Variants in LUZP2 observed in about 807,000 individuals in gnomAD.
LUZP2 encodes the protein leucine zipper protein 2.
Under a neutral mutation model 51.6 loss-of-function variants are expected in LUZP2, and 52 were observed. That is an observed-to-expected ratio of 1.01 (90% confidence interval 0.81 to 1.27). The LOEUF (loss-of-function observed/expected upper bound fraction) is 1.27, where lower values mean the gene tolerates loss of function less well. Ranked by LOEUF, LUZP2 falls within the 50% of genes most tolerant of loss-of-function variation. LUZP2 has a pLI of 0.00. For synonymous variants in LUZP2, 154 were observed against 137.3 expected (o/e 1.12, Z -0.85); for missense variants, 436 against 395.4 (o/e 1.10, Z -0.87).
chr11:24,688,951 G>A (rs1856980396), intron 1 of LUZP2, among the ~76,000 whole-genome samples: 1 of 152,064 alleles, frequency 6.6e-6, no homozygotes, highest in Admixed American at 6.5e-5. Flanking sequence ...TCTCACTGTA[G>A]TCAACATACT....
rs1446038171 is a variant in LUZP2 at position 25,080,025 on chromosome 11, A to G, written c.*1367A>G. 1 of 152,180 alleles carries G rather than the reference A, an allele frequency of 6.6e-6. No individual in the cohort carries two copies. The highest frequency in any genetic ancestry group is 1.5e-5 in the Non-Finnish European group (1 of 68,022). The allele number at this position is 152,180 out of a possible 1,614,324, so 9.4% of individuals were successfully genotyped here. A position where few individuals can be genotyped will look rare whatever the true frequency, so the allele number is the denominator to read the frequency against. ...AATTTAAAGATTTGGAGAATTGGAA[A>G]ATATCGTTAGCTGTAAAAGTAATAT... On this transcript the variant is annotated 3_prime_UTR_variant, in exon 12 of 12. Coordinates refer to ENST00000336930, the MANE Select transcript of LUZP2 (RefSeq NM_001009909.4).
intron 5 of LUZP2, among the ~76,000 whole-genome samples, chr11:24,798,300 C>T (rs773048879): frequency 6.6e-6 from 1 of 151,890 alleles, no homozygotes; most frequent in African/African-American, 2.4e-5. Flanking sequence ...TCACTACAGC[C>T]TTGATTCTTC....
At chr11:24,840,541 T>C (rs1055086487) in intron 5 of LUZP2, among the ~76,000 whole-genome samples, 7 of 151,934 alleles carry the variant, frequency 4.6e-5, no homozygotes, top group African/African-American at 1.7e-4. Context: ...CAAAGAATAA[T>C]CTATGAAGCT....
chr11:24,955,827 T>C (rs954748193), intron 7 of LUZP2, among the ~76,000 whole-genome samples: 1 of 152,002 alleles, frequency 6.6e-6, no homozygotes, highest in Non-Finnish European at 1.5e-5. Flanking sequence ...AAACTGAAGA[T>C]AGGGGAGTTT....
chr11:24,521,582 A>T (rs1850646699), intron 1 of LUZP2, among the ~76,000 whole-genome samples: 1 of 152,094 alleles, frequency 6.6e-6, no homozygotes, highest in African/African-American at 2.4e-5. Context: ...GAGTCAATAT[A>T]TCATTGCCCA....
At chr11:24,705,377 A>C (rs907828395) in intron 1 of LUZP2, among the ~76,000 whole-genome samples, 1 of 152,198 alleles carries the variant, frequency 6.6e-6, no homozygotes, top group Non-Finnish European at 1.5e-5. Flanking sequence ...GTAGAAAACA[A>C]AATCAATCGA....
At chr11:24,605,376 A>G (rs1338327172) in intron 1 of LUZP2, among the ~76,000 whole-genome samples, 1 of 151,824 alleles carries the variant, frequency 6.6e-6, no homozygotes, top group Non-Finnish European at 1.5e-5. Flanking sequence ...ACTTTTGAGG[A>G]TATGTCATTT....
intron 5 of LUZP2, among the ~76,000 whole-genome samples, chr11:24,849,058 T>C (rs1851299463): frequency 6.6e-6 from 1 of 152,146 alleles, no homozygotes. Flanking sequence ...CCACACTTTT[T>C]TTGCTACTCA....
intron 5 of LUZP2, among the ~76,000 whole-genome samples, chr11:24,866,708 T>C (rs1851909228): frequency 6.6e-6 from 1 of 152,232 alleles, no homozygotes; most frequent in South Asian, 2.1e-4. Flanking sequence ...GGTAACATGA[T>C]AAACTTAAGA....
intron 9 of LUZP2, among the ~76,000 whole-genome samples, chr11:24,994,008 G>A (rs534807154): frequency 6.0e-4 from 92 of 152,078 alleles, no homozygotes; most frequent in Non-Finnish European, 1.3e-3. Context: ...TTACAGGCAC[G>A]TGCCAACACG....
At chr11:24,548,995 T>C (rs1851643931) in intron 1 of LUZP2, among the ~76,000 whole-genome samples, 1 of 152,014 alleles carries the variant, frequency 6.6e-6, no homozygotes, top group African/African-American at 2.4e-5. Context: ...ATACTTACCC[T>C]ATGTTAAATT....
At chr11:24,858,546 C>T (rs997194136) in intron 5 of LUZP2, among the ~76,000 whole-genome samples, 3 of 151,956 alleles carry the variant, frequency 2.0e-5, no homozygotes, top group African/African-American at 4.8e-5. Context: ...TTTCTACGGG[C>T]ATTGAGTCTC....
chr11:24,654,337 C>T (rs1180406798), intron 1 of LUZP2, among the ~76,000 whole-genome samples: 1 of 152,126 alleles, frequency 6.6e-6, no homozygotes, highest in African/African-American at 2.4e-5. Flanking sequence ...AAACTTTGTC[C>T]TCACCCTTAG....
At chr11:25,058,075 C>T (rs1858738826) in intron 10 of LUZP2, among the ~76,000 whole-genome samples, 1 of 151,530 alleles carries the variant, frequency 6.6e-6, no homozygotes, top group Non-Finnish European at 1.5e-5. Context: ...AGAGACCACA[C>T]AGCACTGTCA....
intron 5 of LUZP2, among the ~76,000 whole-genome samples, chr11:24,830,300 C>T (rs1850661218): frequency 8.1e-6 from 1 of 123,366 alleles, no homozygotes; most frequent in Non-Finnish European, 1.7e-5. Context: ...TCTTGGTAGC[C>T]AAATTTCTTC....
intron 1 of LUZP2, among the ~76,000 whole-genome samples, chr11:24,553,783 T>C (rs116624646): frequency 1.2e-3 from 180 of 152,294 alleles, no homozygotes; most frequent in African/African-American, 4.2e-3. Flanking sequence ...TTCTCCTTTA[T>C]ATTTTTGTAA....
intron 1 of LUZP2, among the ~76,000 whole-genome samples, chr11:24,543,921 A>G (rs565919762): frequency 2.0e-5 from 3 of 151,604 alleles, no homozygotes; most frequent in South Asian, 2.1e-4. Context: ...AAAGATGAAG[A>G]TATGTGCTGA....
At chr11:24,963,464 C>A (rs867677263) in intron 7 of LUZP2, among the ~76,000 whole-genome samples, 4 of 152,204 alleles carry the variant, frequency 2.6e-5, no homozygotes, top group African/African-American at 9.6e-5. Flanking sequence ...CAAGCCTGGG[C>A]AATGGCGGGT....
At chr11:24,775,054 C>G (rs926102694) in intron 5 of LUZP2, among the ~76,000 whole-genome samples, 3 of 151,530 alleles carry the variant, frequency 2.0e-5, no homozygotes, top group Admixed American at 2.0e-4. Flanking sequence ...TAAAATTGCT[C>G]AAAACTACAG....
Sources: allele counts gnomAD v4.1 joint callset (sites outside exome capture counted in the v4.1 genomes callset), GRCh38; gene constraint gnomAD v4.1.1; transcripts MANE v1.5; gene names NCBI Gene and HGNC (gene_info 2026-07-23, HGNC 2026-07-21).